The following CMTR1 variants were observed in gnomAD, a reference collection of about 807,000 sequenced individuals.
The protein encoded by CMTR1 is cap methyltransferase 1.
A neutral mutation model predicts 107.0 loss-of-function variants in CMTR1; 39 were observed. The observed-to-expected ratio is 0.36, with a 90% CI of 0.28 to 0.48. The LOEUF (loss-of-function observed/expected upper bound fraction) is 0.48. CMTR1 is among the 20% of genes least tolerant of loss of function. The pLI is 0.99. For synonymous variants in CMTR1, 366 were observed against 379.5 expected (o/e 0.96, Z 0.41); for missense variants, 672 against 1,064.9 (o/e 0.63, Z 5.14).
chr6:37,479,387 G>A, intron 23 of CMTR1, 132 bp downstream of exon 23: 1 of 684,254 alleles, frequency 1.5e-6, no homozygotes, highest in Non-Finnish European at 2.6e-6. Flanking sequence ...CTGAGCACAG[G>A]CCTGAGAATA....
chr6:37,474,451 T>C, intron 17 of CMTR1, 73 bp from the exon 18 acceptor site: 1 of 1,576,338 alleles, frequency 6.3e-7, no homozygotes, highest in Non-Finnish European at 8.6e-7. Context: ...AACTAAAAGC[T>C]CTTTTGAGAA....
At chr6:37,424,160 A>G in the CMTR1 span, among the ~76,000 whole-genome samples, 146 of 152,182 alleles carry the variant, frequency 9.6e-4, no homozygotes, top group African/African-American at 3.3e-3. Context: ...TAGAAAAGAA[A>G]ATGATTTGGG....
intron 13 of CMTR1, among the ~76,000 whole-genome samples, chr6:37,470,414 G>T (rs111725666): frequency 9.9e-5 from 15 of 152,000 alleles, no homozygotes; most frequent in African/African-American, 3.6e-4. Flanking sequence ...CCAAAGTGCT[G>T]GGATTACAGG....
At chr6:37,449,347 C>T (rs376590023) in intron 4 of CMTR1, among the ~76,000 whole-genome samples, 1 of 148,094 alleles carries the variant, frequency 6.8e-6, no homozygotes, top group Non-Finnish European at 1.5e-5. Flanking sequence ...TTTGTTCTGT[C>T]ACCCAGGCTG....
rs374008831 is a variant in CMTR1 at position 37,444,159 on chromosome 6, G to C, written c.285+9G>C. On this transcript the variant is annotated intron_variant, in intron 3 of 23. Coordinates refer to ENST00000373451, the MANE Select transcript of CMTR1 (RefSeq NM_015050.3). ...TCTCCCAGAAGCTTATGGTATGTCA[G>C]CGCTTGGGTTGGGTTTCTCAAGCCC... 2.6e-4 allele frequency: 421 copies of C among 1,612,798 alleles called. No homozygotes were observed. The highest frequency in any genetic ancestry group is 3.3e-4 in the Non-Finnish European group (394 of 1,179,506).
chr6:37,432,074 TC>T (rs1771391824), upstream of CMTR1, among the ~76,000 whole-genome samples: 1 of 152,086 alleles, frequency 6.6e-6, no homozygotes, highest in Non-Finnish European at 1.5e-5. Flanking sequence ...CGCCTCAGCC[TC>T]CCCACGTGCT....
Position 37,480,495 on chromosome 6 carries a change from T to C in CMTR1, c.*350T>C, listed in dbSNP as rs1477589116. ...GTGGGCTCTGCTGTTCTCTCCTGCA[T>C]CCTGTAGACTCACTTTTCTGAGTTC... On this transcript the variant is annotated 3_prime_UTR_variant, in exon 24 of 24. Coordinates refer to ENST00000373451, the MANE Select transcript of CMTR1 (RefSeq NM_015050.3). The C allele has an allele frequency of 9.0e-7, 1 of 1,109,884 alleles. No homozygotes were observed. Among genetic ancestry groups the C allele is most frequent in the Non-Finnish European group, 1.1e-6 (1 of 909,014 alleles). 68.8% of individuals were successfully genotyped at this position (1,109,884 alleles called of 1,614,324 possible).
chr6:37,477,857 G>A (rs572348079), intron 21 of CMTR1, among the ~76,000 whole-genome samples: 3 of 152,320 alleles, frequency 2.0e-5, no homozygotes, highest in Non-Finnish European at 4.4e-5. Context: ...GGAGCCAGGC[G>A]GGCTGTGTCA....
chr6:37,438,961 A>C (rs1216028636), intron 2 of CMTR1, among the ~76,000 whole-genome samples: 1 of 152,214 alleles, frequency 6.6e-6, no homozygotes, highest in Non-Finnish European at 1.5e-5. Flanking sequence ...TAGATGATTG[A>C]AAAATGCTCT....
intron 4 of CMTR1, 36 bp downstream of exon 4, chr6:37,446,485 C>G (rs1771797847): frequency 1.9e-6 from 3 of 1,587,826 alleles, no homozygotes; most frequent in Non-Finnish European, 2.6e-6. Flanking sequence ...GGAAAAGCCA[C>G]TTGTGTTTTT....
At position 37,453,219 on chromosome 6, in the gene CMTR1, T is replaced by G. The variant is rs1461239233; in HGVS notation, c.705-21T>G. 10 of 1,614,038 alleles carry G rather than the reference T, an allele frequency of 6.2e-6. No homozygotes were observed. In the South Asian group the frequency reaches 1.1e-4, roughly 18 times the overall value. ...ATTGAGCCTAGTACATCTAGTACTT[T>G]TCTGTCTTGCTTTATTGCAGGGCAG... On this transcript the variant is annotated intron_variant, in intron 7 of 23. Coordinates refer to ENST00000373451, the MANE Select transcript of CMTR1 (RefSeq NM_015050.3).
At chr6:37,428,061 A>AGAGAGAGAGAGAGAGGGAG in the CMTR1 span, among the ~76,000 whole-genome samples, 1 of 142,958 alleles carries the variant, frequency 7.0e-6, no homozygotes, top group East Asian at 2.0e-4. Context: ...AGAGAGAGAG[A>AGAGAGAGAGAGAGAGGGAG]AACTCTCTAA....
chr6:37,453,162 C>T (rs1231133776), intron 7 of CMTR1, 21 bp downstream of exon 7: 1 of 1,613,178 alleles, frequency 6.2e-7, no homozygotes, highest in East Asian at 2.2e-5. Context: ...ATTTCCCTCC[C>T]CTCCCCTGAT....
intron 20 of CMTR1, among the ~76,000 whole-genome samples, 188 bp downstream of exon 20, chr6:37,476,382 G>C (rs1206886649): frequency 6.6e-6 from 1 of 152,146 alleles, no homozygotes; most frequent in Non-Finnish European, 1.5e-5. Flanking sequence ...TCCCCATCCT[G>C]CCTGGCAGTG....
At chr6:37,433,970 T>TC (rs1303759106) in intron 1 of CMTR1, among the ~76,000 whole-genome samples, 6 of 152,176 alleles carry the variant, frequency 3.9e-5, no homozygotes, top group Admixed American at 3.9e-4. Context: ...ACACAGCTGT[T>TC]CAACAGTCCG....
Position 37,478,457 on chromosome 6 carries a change from C to T in CMTR1, c.2202C>T (p.Ser734=), listed in dbSNP as rs569495102. Residue 734 remains serine (S), a synonymous_variant, in exon 22 of 24, where the codon AGC becomes AGT. Coordinates refer to ENST00000373451, the MANE Select transcript of CMTR1 (RefSeq NM_015050.3). Reference sequence around the variant, plus strand: ...GCTCCAGTGGCACCCCAAAGCTCAGCTACACAGGGCGTGATGACCGGCACT... The same window carrying T: ...GCTCCAGTGGCACCCCAAAGCTCAGTTACACAGGGCGTGATGACCGGCACT... ...IKGSSGTPKL[S]YTGRDDRHFV... 15 of 1,614,154 alleles carry T rather than the reference C, an allele frequency of 9.3e-6. No homozygotes were observed. In the East Asian group the frequency reaches 2.9e-4, roughly 31 times the overall value.
rs763519786 is a variant in CMTR1 at position 37,458,760 on chromosome 6, A to G, written c.926A>G (p.Lys309Arg). 6.2e-7 allele frequency: 1 copy of G among 1,614,170 alleles called. No individual in the cohort carries two copies. The highest frequency in any genetic ancestry group is 1.1e-5 in the South Asian group (1 of 91,082). The change falls in exon 9 of 24, where the codon AAG (lysine) becomes AGG (arginine). Residue 309 changes from lysine to arginine, a missense_variant. Physicochemically the swap from Lys to Arg is conservative, Grantham distance 26. This residue lies in a region of CMTR1 where 583 missense variants were observed against 968.4 expected (regional missense o/e 0.60). Coordinates refer to ENST00000373451, the MANE Select transcript of CMTR1 (RefSeq NM_015050.3). The surrounding 1 kb of genome is among the most constrained non-coding windows in gnomAD (Gnocchi z 4.7). ...ACTTTGAAGGGCCCTAATGACTTCA[A>G]GCTGGAGGACTTCTACTCTGCTTCC... ...GMTLKGPNDF[K>R]LEDFYSASSE... is the part of the protein sequence containing the mutation.
chr6:37,440,789 ACAAAAGATCT>A (rs929232719), intron 2 of CMTR1, among the ~76,000 whole-genome samples: 3 of 152,210 alleles, frequency 2.0e-5, no homozygotes, highest in Non-Finnish European at 4.4e-5. Context: ...ACAGAAGGAA[ACAAAAGATCT>A]CTCTTTGAGA....
At position 37,472,771 on chromosome 6, in the gene CMTR1, T is replaced by A. The variant is rs1419774463; in HGVS notation, c.1689+284T>A. Among the ~76,000 whole-genome samples, 19 of 152,220 alleles carry A rather than the reference T, an allele frequency of 1.2e-4. No individual in the cohort carries two copies. The highest frequency in any genetic ancestry group is 1.2e-3 in the Admixed American group (19 of 15,286). On this transcript the variant is annotated intron_variant, in intron 16 of 23. Transcript: ENST00000373451. The surrounding 1 kb of genome is among the most constrained non-coding windows in gnomAD (Gnocchi z 4.1). ...TTCTGGCTGTGTCACCCTGGCAAGT[T>A]CAGGGTCCTGTGGGATTTGCCTACA...
Sources: gnomAD v4.1 joint callset for allele counts (sites outside exome capture counted in the v4.1 genomes callset) on GRCh38, gnomAD v4.1.1 for gene constraint, gnomAD v4.1.1 regional missense constraint, Gnocchi (gnomAD v3.1) non-coding constraint, MANE v1.5 for transcripts, NCBI Gene and HGNC (gene_info 2026-07-23, HGNC 2026-07-21) for gene names.